Variants in RAPGEF4 observed in about 807,000 individuals in gnomAD.
RAPGEF4 encodes Rap guanine nucleotide exchange factor 4.
A neutral mutation model predicts 147.9 loss-of-function variants in RAPGEF4; 66 were observed. The ratio of observed to expected loss-of-function variants is 0.45; its 90% CI spans 0.37 to 0.55. The LOEUF (loss-of-function observed/expected upper bound fraction) is 0.55. Ranked by LOEUF, RAPGEF4 falls within the 20% of genes least tolerant of loss-of-function variation. The pLI, the probability that RAPGEF4 is intolerant of heterozygous loss-of-function variation, is 0.00. For synonymous variants in RAPGEF4, 419 were observed against 442.7 expected (o/e 0.95, Z 0.67); for missense variants, 1,071 against 1,257.3 (o/e 0.85, Z 2.24).
intron 25 of RAPGEF4, among the ~76,000 whole-genome samples, chr2:173,028,432 A>G (rs145211658): frequency 1.3e-5 from 2 of 152,344 alleles, no homozygotes; most frequent in African/African-American, 2.4e-5. Context: ...GCAGTGCCCA[A>G]TGCAACAAGA....
intron 27 of RAPGEF4, 72 bp from the exon 28 acceptor site, chr2:173,036,053 G>C (rs1350453401): frequency 1.8e-6 from 2 of 1,112,966 alleles, no homozygotes; most frequent in African/African-American, 3.1e-5. Context: ...TGAAAGGCAG[G>C]TGTATTAGGA....
chr2:172,856,772 T>C (rs1159293353), intron 4 of RAPGEF4, among the ~76,000 whole-genome samples: 1 of 152,140 alleles, frequency 6.6e-6, no homozygotes, highest in Non-Finnish European at 1.5e-5. Flanking sequence ...GGCTGTCTTC[T>C]CTCTAGGATT....
intron 6 of RAPGEF4, among the ~76,000 whole-genome samples, chr2:172,954,385 T>C (rs1297929200): frequency 6.6e-6 from 1 of 152,246 alleles, no homozygotes; most frequent in Admixed American, 6.5e-5. Flanking sequence ...TTTCACTTTT[T>C]TCTTGGCCAT....
intron 4 of RAPGEF4, chr2:172,917,581 C>T: frequency 1.5e-6 from 1 of 682,502 alleles, no homozygotes; most frequent in Admixed American, 2.0e-5. Flanking sequence ...GGAGATAGAA[C>T]CCCTGCCCCC....
At chr2:172,996,056 A>G (rs1693324652) in intron 15 of RAPGEF4, among the ~76,000 whole-genome samples, 1 of 152,210 alleles carries the variant, frequency 6.6e-6, no homozygotes, top group Admixed American at 6.5e-5. Flanking sequence ...TTTTGCTATG[A>G]GTAACCCATA....
At chr2:172,942,710 C>A (rs1687290946) in intron 6 of RAPGEF4, among the ~76,000 whole-genome samples, 9 of 152,012 alleles carry the variant, frequency 5.9e-5, no homozygotes, top group Admixed American at 5.9e-4. Context: ...TTAAAATTTT[C>A]TAGTTGCTAC....
At chr2:172,978,444 G>A (rs1691327231) in intron 10 of RAPGEF4, among the ~76,000 whole-genome samples, 1 of 152,202 alleles carries the variant, frequency 6.6e-6, no homozygotes, top group African/African-American at 2.4e-5. Context: ...CACACCCTCT[G>A]TTCTGCTTCT....
rs931798227 is a variant in RAPGEF4 at position 172,885,804 on chromosome 2, C to A, written c.445-31998C>A. Among the ~76,000 whole-genome samples the A allele has an allele frequency of 2.0e-5, 3 of 152,166 alleles. No individual in the cohort carries two copies. The South Asian group carries it at 6.2e-4, about 32-fold the overall frequency. On this transcript the variant is annotated intron_variant, in intron 4 of 30. Transcript: ENST00000397081. ...GGGACACAGAGTCAAACCATATCAC[C>A]CTGCTTGGCATCTTGCCACCAACAC...
intron 4 of RAPGEF4, among the ~76,000 whole-genome samples, chr2:172,891,947 T>C (rs1051357217): frequency 6.6e-5 from 10 of 152,224 alleles, no homozygotes; most frequent in Non-Finnish European, 1.3e-4. Flanking sequence ...TGATTGAACA[T>C]ACTCAGGTCA....
chr2:172,928,686 G>A (rs774200561), intron 6 of RAPGEF4, among the ~76,000 whole-genome samples: 4 of 152,154 alleles, frequency 2.6e-5, no homozygotes, highest in Non-Finnish European at 4.4e-5. Flanking sequence ...CTGCCGCCAT[G>A]CTGACGATTT....
At chr2:172,899,364 G>A (rs762785147) in intron 4 of RAPGEF4, among the ~76,000 whole-genome samples, 46 of 152,206 alleles carry the variant, frequency 3.0e-4, no homozygotes, top group Non-Finnish European at 1.0e-4. Flanking sequence ...AGATTAATCC[G>A]CATAGGAAAG....
chr2:172,834,608 T>C lies in RAPGEF4; in HGVS notation c.444+20183T>C, dbSNP rs187341105. ...TTATAAAATCCCAAGCAACTGCTTT[T>C]TTCTTCTTCTTCTTCTTCTAATTGG... On this transcript the variant is annotated intron_variant, in intron 4 of 30. Coordinates refer to ENST00000397081, the MANE Select transcript of RAPGEF4 (RefSeq NM_007023.4). Among the ~76,000 whole-genome samples, 486 of 152,196 alleles carry C rather than the reference T, an allele frequency of 3.2e-3. 13 individuals are homozygous for C. The highest frequency in any genetic ancestry group is 0.029 in the Admixed American group (439 of 15,286).
chr2:172,988,811 A>C lies in RAPGEF4; in HGVS notation c.1346A>C (p.Asp449Ala), dbSNP rs1559166639. 2.5e-6 allele frequency: 4 copies of C among 1,614,032 alleles called. No individual in the cohort carries two copies. The South Asian group carries it at 4.4e-5, about 18-fold the overall frequency. The change falls in exon 14 of 31, where the codon GAC (aspartate) becomes GCC (alanine). Residue 449 changes from aspartate to alanine, a missense_variant. Physicochemically the swap from Asp to Ala is moderately radical, Grantham distance 126 (BLOSUM62 -2). Transcript: ENST00000397081. ...REDNCHFLRV[D>A]KEDFNRILRD... The stretch of plus-strand genomic sequence containing the variant: ...GATAACTGCCATTTCTTAAGAGTAG[A>C]CAAGGAGGATTTCAACCGGATCCTA...
At chr2:172,908,951 A>G (rs562493973) in intron 4 of RAPGEF4, among the ~76,000 whole-genome samples, 14 of 152,270 alleles carry the variant, frequency 9.2e-5, no homozygotes, top group Admixed American at 3.9e-4. Context: ...TTTTCTTGTC[A>G]TTTGAAGAAT....
intron 4 of RAPGEF4, among the ~76,000 whole-genome samples, chr2:172,865,078 T>TA (rs1466245631): frequency 2.0e-5 from 3 of 152,194 alleles, no homozygotes; most frequent in Admixed American, 6.5e-5. Context: ...TTCTCTTGCC[T>TA]CCAGCCAGGC....
chr2:172,901,761 C>G (rs1461264660), intron 4 of RAPGEF4, among the ~76,000 whole-genome samples: 1 of 152,172 alleles, frequency 6.6e-6, no homozygotes, highest in Non-Finnish European at 1.5e-5. Context: ...GATTCTTTCA[C>G]TCAACAACTA....
intron 4 of RAPGEF4, among the ~76,000 whole-genome samples, chr2:172,865,067 T>C (rs1694476073): frequency 6.6e-6 from 1 of 152,212 alleles, no homozygotes; most frequent in Non-Finnish European, 1.5e-5. Context: ...AGTTGTAGGC[T>C]TTCTCTTGCC....
At chr2:172,941,137 G>A (rs1300177041) in intron 6 of RAPGEF4, among the ~76,000 whole-genome samples, 2 of 152,062 alleles carry the variant, frequency 1.3e-5, no homozygotes, top group Admixed American at 1.3e-4. Context: ...AGACAATCAT[G>A]TCATCTGCAA....
intron 6 of RAPGEF4, among the ~76,000 whole-genome samples, chr2:172,926,060 AGGG>A (rs1685328456): frequency 2.1e-5 from 2 of 94,814 alleles, no homozygotes; most frequent in Middle Eastern, 5.0e-3. Flanking sequence ...GGAGGGAGGG[AGGG>A]AAGTCAGGCA....
Sources: allele counts gnomAD v4.1 joint callset (sites outside exome capture counted in the v4.1 genomes callset), GRCh38; gene constraint gnomAD v4.1.1; transcripts MANE v1.5; gene names NCBI Gene and HGNC (gene_info 2026-07-23, HGNC 2026-07-21).